Variants in RAB38 observed in about 807,000 individuals in gnomAD.
The protein encoded by RAB38 is ras-related protein Rab-38.
RAB38 carries 15 observed loss-of-function variants against 18.4 expected under a neutral mutation model. That is an observed-to-expected ratio of 0.82 (90% CI 0.55 to 1.26). RAB38 has a LOEUF of 1.26. Ranked by LOEUF, RAB38 falls within the 50% of genes most tolerant of loss-of-function variation. The pLI is 0.00. For missense variants in RAB38, 294 were observed against 267.4 expected (o/e 1.10, Z -0.69); for synonymous variants, 101 against 104.4 (o/e 0.97, Z 0.20).
chr11:88,015,047 CCTGT>C, the RAB38 span, among the ~76,000 whole-genome samples: 2 of 91,000 alleles, frequency 2.2e-5, no homozygotes, highest in African/African-American at 1.0e-4. Flanking sequence ...CACCCAGTTG[CCTGT>C]ATTTTTTTTT....
the RAB38 span, among the ~76,000 whole-genome samples, chr11:87,882,702 C>A: frequency 6.6e-6 from 1 of 151,794 alleles, no homozygotes; most frequent in African/African-American, 2.4e-5. Flanking sequence ...TAGCTACACT[C>A]ATTTTGGTCT....
intron 2 of RAB38, among the ~76,000 whole-genome samples, chr11:88,147,330 C>A (rs1276694551): frequency 6.6e-6 from 1 of 152,020 alleles, no homozygotes; most frequent in Non-Finnish European, 1.5e-5. Flanking sequence ...ACAGAAGACT[C>A]CTCTCCCCAT....
the RAB38 span, among the ~76,000 whole-genome samples, chr11:87,957,412 A>T: frequency 1.3e-5 from 2 of 151,830 alleles, no homozygotes; most frequent in Non-Finnish European, 2.9e-5. Context: ...AAAAACCCAT[A>T]AGTTTATTTA....
At chr11:88,008,474 A>G in the RAB38 span, among the ~76,000 whole-genome samples, 54 of 152,264 alleles carry the variant, frequency 3.5e-4, no homozygotes, top group African/African-American at 1.3e-3. Context: ...GAAATTCTCA[A>G]CCATCATCCC....
the RAB38 span, among the ~76,000 whole-genome samples, chr11:88,027,138 CCTTT>C: frequency 4.6e-5 from 7 of 151,948 alleles, no homozygotes; most frequent in African/African-American, 1.7e-4. Flanking sequence ...GAGAAAGTTT[CCTTT>C]CTATTTCTAG....
intron 2 of RAB38, among the ~76,000 whole-genome samples, chr11:88,119,791 C>G (rs945533579): frequency 5.3e-5 from 8 of 152,024 alleles, no homozygotes; most frequent in African/African-American, 1.7e-4. Flanking sequence ...CCAACTGTAC[C>G]CGAGACTCCA....
chr11:88,153,027 T>C (rs996430639), intron 1 of RAB38, among the ~76,000 whole-genome samples: 1 of 152,214 alleles, frequency 6.6e-6, no homozygotes, highest in African/African-American at 2.4e-5. Context: ...GGGTGTTAAA[T>C]AGGAAAGCAA....
chr11:88,148,579 C>T (rs1943021485), intron 2 of RAB38, among the ~76,000 whole-genome samples: 1 of 152,132 alleles, frequency 6.6e-6, no homozygotes, highest in Non-Finnish European at 1.5e-5. Context: ...TTAGAGGTTC[C>T]TCCTCAGCCT....
chr11:87,971,905 A>C, the RAB38 span, among the ~76,000 whole-genome samples: 1 of 139,852 alleles, frequency 7.2e-6, no homozygotes, highest in Non-Finnish European at 1.5e-5. Flanking sequence ...AAATCTCACT[A>C]AAATATGTGT....
At chr11:87,932,805 C>G in the RAB38 span, among the ~76,000 whole-genome samples, 1 of 152,018 alleles carries the variant, frequency 6.6e-6, no homozygotes. Flanking sequence ...CAGCTGTGTC[C>G]CAGGCTTCAA....
the RAB38 span, among the ~76,000 whole-genome samples, chr11:87,977,676 A>C: frequency 8.6e-6 from 1 of 116,890 alleles, no homozygotes; most frequent in Non-Finnish European, 1.6e-5. Flanking sequence ...TATATTATGT[A>C]ATATATGTCA....
chr11:87,949,955 C>T, the RAB38 span, among the ~76,000 whole-genome samples: 1 of 152,300 alleles, frequency 6.6e-6, no homozygotes, highest in African/African-American at 2.4e-5. Flanking sequence ...TGTTAACTTT[C>T]TGTCTCATTG....
chr11:87,903,806 T>G, the RAB38 span, among the ~76,000 whole-genome samples: 1 of 151,546 alleles, frequency 6.6e-6, no homozygotes, highest in Non-Finnish European at 1.5e-5. Context: ...CCATTTCCCT[T>G]ATTAAGTTTA....
chr11:88,031,238 A>G, the RAB38 span, among the ~76,000 whole-genome samples: 9 of 152,282 alleles, frequency 5.9e-5, no homozygotes, highest in Admixed American at 5.2e-4. Context: ...TCAAAATAAT[A>G]AGAGCTATCT....
chr11:88,066,038 C>T, the RAB38 span, among the ~76,000 whole-genome samples: 2 of 152,200 alleles, frequency 1.3e-5, no homozygotes, highest in Non-Finnish European at 2.9e-5. Flanking sequence ...CTGCAGACTG[C>T]TTTGTTTTAT....
At chr11:88,168,281 G>A (rs302649) in intron 1 of RAB38, among the ~76,000 whole-genome samples, 102,818 of 151,966 alleles carry the variant, frequency 0.68, 35,002 homozygotes, top group Non-Finnish European at 0.71. Flanking sequence ...CACTTTCACC[G>A]TTCTTAACAT....
At chr11:87,942,443 G>A in the RAB38 span, among the ~76,000 whole-genome samples, 2 of 152,126 alleles carry the variant, frequency 1.3e-5, no homozygotes, top group African/African-American at 4.8e-5. Context: ...AAAATAAAAG[G>A]CTTTAAGAAT....
At chr11:88,020,010 A>T in the RAB38 span, among the ~76,000 whole-genome samples, 1 of 152,168 alleles carries the variant, frequency 6.6e-6, no homozygotes, top group Non-Finnish European at 1.5e-5. Flanking sequence ...TTCTCATTTA[A>T]TGAGTATATA....
At chr11:88,030,544 G>T in the RAB38 span, among the ~76,000 whole-genome samples, 1 of 152,000 alleles carries the variant, frequency 6.6e-6, no homozygotes, top group Non-Finnish European at 1.5e-5. Context: ...TGATAAAGAG[G>T]ATATAACCAC....
Sources: allele counts gnomAD v4.1 joint callset (sites outside exome capture counted in the v4.1 genomes callset), GRCh38; gene constraint gnomAD v4.1.1; transcripts MANE v1.5; gene names NCBI Gene and HGNC (gene_info 2026-07-23, HGNC 2026-07-21).